The following MACROD2 variants were observed in gnomAD, a reference collection of about 807,000 sequenced individuals.
The protein encoded by MACROD2 is ADP-ribose glycohydrolase MACROD2.
Under a neutral mutation model 70.4 loss-of-function variants are expected in MACROD2, and 36 were observed. The ratio of observed to expected loss-of-function variants is 0.51; its 90% CI spans 0.39 to 0.68. The LOEUF (loss-of-function observed/expected upper bound fraction) is 0.68, where lower values mean the gene tolerates loss of function less well. Ranked by LOEUF, MACROD2 falls within the 30% of genes least tolerant of loss-of-function variation. MACROD2 has a pLI of 0.00. For synonymous variants in MACROD2, 172 were observed against 178.8 expected (o/e 0.96, Z 0.30); for missense variants, 496 against 538.4 (o/e 0.92, Z 0.78).
At chr20:15,045,347 T>C (rs903133843) in intron 5 of MACROD2, among the ~76,000 whole-genome samples, 6 of 152,138 alleles carry the variant, frequency 3.9e-5, no homozygotes, top group African/African-American at 1.4e-4. Flanking sequence ...GCCACCTCTG[T>C]GAGAGTGTTC....
At chr20:15,768,058 A>G (rs2051556627) in intron 8 of MACROD2, among the ~76,000 whole-genome samples, 1 of 151,918 alleles carries the variant, frequency 6.6e-6, no homozygotes, top group Non-Finnish European at 1.5e-5. Context: ...GGCAATAGAG[A>G]AAATAAAAGA....
At chr20:14,436,472 A>G (rs931987393) in intron 3 of MACROD2, among the ~76,000 whole-genome samples, 3 of 152,090 alleles carry the variant, frequency 2.0e-5, no homozygotes, top group Non-Finnish European at 2.9e-5. Flanking sequence ...AGATTTTGTT[A>G]CTCTTACTAA....
intron 3 of MACROD2, among the ~76,000 whole-genome samples, chr20:14,437,451 G>A (rs2084068979): frequency 1.3e-5 from 2 of 152,016 alleles, no homozygotes. Context: ...AAAATTAGCA[G>A]GGCGTGGTGG....
intron 3 of MACROD2, among the ~76,000 whole-genome samples, chr20:14,215,335 TATACAC>T (rs1472613054): frequency 0.013 from 1,332 of 101,714 alleles, 18 homozygotes; most frequent in African/African-American, 0.038. Flanking sequence ...TGCCATCATA[TATACAC>T]ACACACACAC....
chr20:14,327,122 A>G (rs2082748968), intron 3 of MACROD2: 1 of 1,613,698 alleles, frequency 6.2e-7, no homozygotes. Flanking sequence ...TCTTCCAGAT[A>G]GGGAATTTTT....
At chr20:15,129,753 T>TA (rs2076091786) in intron 5 of MACROD2, among the ~76,000 whole-genome samples, 1 of 152,076 alleles carries the variant, frequency 6.6e-6, no homozygotes, top group Non-Finnish European at 1.5e-5. Context: ...AACAGGCTCT[T>TA]GGTGTCCAGA....
intron 9 of MACROD2, among the ~76,000 whole-genome samples, chr20:15,867,958 A>T (rs1455068417): frequency 1.3e-5 from 2 of 152,064 alleles, no homozygotes; most frequent in Admixed American, 1.3e-4. Flanking sequence ...CAGCTGAGGG[A>T]TGGGAGAGGT....
chr20:15,970,798 G>T (rs1235488786), intron 13 of MACROD2, among the ~76,000 whole-genome samples: 1 of 152,116 alleles, frequency 6.6e-6, no homozygotes, highest in East Asian at 1.9e-4. Flanking sequence ...AGCTTACATA[G>T]GGCTAGAAGA....
chr20:15,603,752 G>A (rs1179961923), intron 8 of MACROD2, among the ~76,000 whole-genome samples: 1 of 152,116 alleles, frequency 6.6e-6, no homozygotes, highest in African/African-American at 2.4e-5. Context: ...ATTTCACCAA[G>A]CCTGTCAACT....
intron 5 of MACROD2, among the ~76,000 whole-genome samples, chr20:14,945,800 G>A (rs2074426723): frequency 6.6e-6 from 1 of 152,146 alleles, no homozygotes; most frequent in Admixed American, 6.5e-5. Context: ...AATAAACTTA[G>A]TAGCTCACTA....
intron 5 of MACROD2, among the ~76,000 whole-genome samples, chr20:15,100,433 C>T (rs2075863534): frequency 6.6e-6 from 1 of 152,094 alleles, no homozygotes; most frequent in South Asian, 2.1e-4. Flanking sequence ...TAGGGGGACC[C>T]AAAACTTTAT....
At chr20:15,005,308 G>A (rs1226922204) in intron 5 of MACROD2, among the ~76,000 whole-genome samples, 1 of 152,158 alleles carries the variant, frequency 6.6e-6, no homozygotes, top group African/African-American at 2.4e-5. Context: ...TAATAATACA[G>A]TAATGATTAA....
chr20:15,114,730 A>G (rs2075979977), intron 5 of MACROD2, among the ~76,000 whole-genome samples: 1 of 152,084 alleles, frequency 6.6e-6, no homozygotes, highest in Non-Finnish European at 1.5e-5. Context: ...AATCAAGCAC[A>G]CCTTTAATGT....
At chr20:15,614,855 T>C (rs1483868368) in intron 8 of MACROD2, among the ~76,000 whole-genome samples, 3 of 152,188 alleles carry the variant, frequency 2.0e-5, no homozygotes, top group Admixed American at 1.3e-4. Context: ...CATGCCTCTA[T>C]TCAAGAGAAA....
At chr20:15,722,394 T>C (rs1486575529) in intron 8 of MACROD2, among the ~76,000 whole-genome samples, 1 of 152,166 alleles carries the variant, frequency 6.6e-6, no homozygotes, top group Non-Finnish European at 1.5e-5. Flanking sequence ...TATCAGATTT[T>C]TAAAAATATT....
At chr20:14,387,489 G>GA (rs1035815043) in intron 3 of MACROD2, among the ~76,000 whole-genome samples, 4 of 152,104 alleles carry the variant, frequency 2.6e-5, no homozygotes, top group African/African-American at 7.2e-5. Context: ...TAAGAAAATA[G>GA]AAAAAAGTGT....
At chr20:14,436,281 G>A (rs540479256) in intron 3 of MACROD2, among the ~76,000 whole-genome samples, 2 of 152,016 alleles carry the variant, frequency 1.3e-5, no homozygotes, top group African/African-American at 2.4e-5. Flanking sequence ...CCCTGATTTC[G>A]CTCATTAATG....
chr20:14,898,968 A>G (rs1305523424), intron 5 of MACROD2, among the ~76,000 whole-genome samples: 1 of 152,272 alleles, frequency 6.6e-6, no homozygotes, highest in Non-Finnish European at 1.5e-5. Flanking sequence ...CTTTTTTTCT[A>G]GTATTTTTCT....
At chr20:14,035,867 G>A (rs1033581869) in intron 2 of MACROD2, among the ~76,000 whole-genome samples, 1 of 152,224 alleles carries the variant, frequency 6.6e-6, no homozygotes, top group Non-Finnish European at 1.5e-5. Flanking sequence ...CAGCGGCTGG[G>A]CGCGGTGGCT....
Sources: gnomAD v4.1 joint callset for allele counts (sites outside exome capture counted in the v4.1 genomes callset) on GRCh38, gnomAD v4.1.1 for gene constraint, MANE v1.5 for transcripts, NCBI Gene and HGNC (gene_info 2026-07-23, HGNC 2026-07-21) for gene names.